Variants in NAV3 observed in about 807,000 individuals in gnomAD.
NAV3 encodes neuron navigator 3.
Under a neutral mutation model 244.7 loss-of-function variants are expected in NAV3, and 87 were observed. The ratio of observed to expected loss-of-function variants is 0.36; its 90% CI spans 0.30 to 0.42. The LOEUF (loss-of-function observed/expected upper bound fraction) is 0.42, where lower values mean the gene tolerates loss of function less well. NAV3 is among the 20% of genes least tolerant of loss of function. NAV3 has a pLI of 1.00. For synonymous variants in NAV3, 1,126 were observed against 1,042.2 expected (o/e 1.08, Z -1.55); for missense variants, 2,663 against 2,893.3 (o/e 0.92, Z 1.83).
chr12:77,892,602 A>C, intron 1 of NAV3, among the ~76,000 whole-genome samples: 1 of 152,104 alleles, frequency 6.6e-6, no homozygotes, highest in South Asian at 2.1e-4. Flanking sequence ...TTTTTAGTCA[A>C]GATGGGGTTT....
intron 2 of NAV3, among the ~76,000 whole-genome samples, chr12:77,773,360 C>T (rs1450247528): frequency 6.6e-6 from 1 of 152,042 alleles, no homozygotes; most frequent in Non-Finnish European, 1.5e-5. Context: ...TCAACAATAA[C>T]ATCTTCCATT....
chr12:78,199,158 A>T (rs1959344889), intron 36 of NAV3, 177 bp from the exon 37 acceptor site: 1 of 684,668 alleles, frequency 1.5e-6, no homozygotes, highest in Non-Finnish European at 2.6e-6. Flanking sequence ...TATAGCTCTC[A>T]TCCTAGTAGA....
intron 2 of NAV3, among the ~76,000 whole-genome samples, chr12:77,754,505 C>A (rs1033469126): frequency 6.6e-6 from 1 of 152,158 alleles, no homozygotes; most frequent in African/African-American, 2.4e-5. Context: ...TATCAATTCA[C>A]AGCATAGAAT....
chr12:77,989,561 A>C (rs527427487), intron 5 of NAV3, among the ~76,000 whole-genome samples: 145 of 152,188 alleles, frequency 9.5e-4, no homozygotes, highest in Non-Finnish European at 1.9e-3. Flanking sequence ...ATGTAGCAAC[A>C]GGCCAGTGAC....
chr12:77,777,952 CG>C (rs780219848), intron 2 of NAV3, among the ~76,000 whole-genome samples: 14 of 151,880 alleles, frequency 9.2e-5, no homozygotes, highest in Non-Finnish European at 1.8e-4. Flanking sequence ...ACTACAGGTA[CG>C]CACCACAATA....
At chr12:78,080,824 G>T (rs562326787) in intron 12 of NAV3, among the ~76,000 whole-genome samples, 2 of 152,332 alleles carry the variant, frequency 1.3e-5, no homozygotes, top group Admixed American at 1.3e-4. Flanking sequence ...AAAATGAACT[G>T]CATACTGCAG....
intron 2 of NAV3, among the ~76,000 whole-genome samples, chr12:77,631,038 C>T (rs1295141678): frequency 6.6e-6 from 1 of 152,162 alleles, no homozygotes; most frequent in Non-Finnish European, 1.5e-5. Flanking sequence ...GAATAAGTTT[C>T]TGTGTTTAAG....
intron 23 of NAV3, 27 bp downstream of exon 23, chr12:78,159,313 CT>C (rs770389502): frequency 4.4e-6 from 7 of 1,584,838 alleles, no homozygotes; most frequent in South Asian, 1.1e-5. Flanking sequence ...CCACTGGAGA[CT>C]GAAAGAAGAC....
chr12:77,929,864 G>C, intron 1 of NAV3, among the ~76,000 whole-genome samples: 1 of 146,058 alleles, frequency 6.8e-6, no homozygotes, highest in Admixed American at 7.0e-5. Flanking sequence ...GGCCAGGCTG[G>C]TCTTGAACTC....
At chr12:77,868,768 A>G (rs928420449) in intron 1 of NAV3, among the ~76,000 whole-genome samples, 1 of 150,592 alleles carries the variant, frequency 6.6e-6, no homozygotes, top group Admixed American at 6.6e-5. Flanking sequence ...AAAAAAAAAA[A>G]AAAGAAAAAA....
At chr12:77,937,423 G>A (rs1413031921) in intron 1 of NAV3, among the ~76,000 whole-genome samples, 1 of 152,142 alleles carries the variant, frequency 6.6e-6, no homozygotes, top group Non-Finnish European at 1.5e-5. Flanking sequence ...AAAGGCTAAG[G>A]AACTGTTGAC....
chr12:77,621,553 A>G (rs1261292196), intron 2 of NAV3, among the ~76,000 whole-genome samples: 1 of 134,484 alleles, frequency 7.4e-6, no homozygotes, highest in Non-Finnish European at 1.6e-5. Context: ...TGATCTCGGC[A>G]CACTGCAACC....
chr12:78,024,712 T>C (rs912702632), intron 9 of NAV3, among the ~76,000 whole-genome samples: 2 of 152,146 alleles, frequency 1.3e-5, no homozygotes, highest in Non-Finnish European at 2.9e-5. Context: ...GTGCGGTGTC[T>C]CACACCTGTA....
At chr12:78,124,042 C>G (rs1347221884) in intron 16 of NAV3, among the ~76,000 whole-genome samples, 1 of 152,134 alleles carries the variant, frequency 6.6e-6, no homozygotes, top group Non-Finnish European at 1.5e-5. Flanking sequence ...ACTTGATAAC[C>G]AAACCAAACA....
intron 2 of NAV3, among the ~76,000 whole-genome samples, chr12:77,820,430 C>G (rs1444577952): frequency 6.6e-6 from 1 of 152,090 alleles, no homozygotes; most frequent in Admixed American, 6.6e-5. Context: ...GGGGCGACCT[C>G]CCTCCATCAA....
intron 24 of NAV3, among the ~76,000 whole-genome samples, chr12:78,173,930 A>G (rs1958112969): frequency 6.6e-6 from 1 of 151,696 alleles, no homozygotes; most frequent in Non-Finnish European, 1.5e-5. Context: ...CTCATTTATT[A>G]TACGTTTTGA....
intron 16 of NAV3, among the ~76,000 whole-genome samples, chr12:78,125,566 C>T (rs578197719): frequency 6.6e-6 from 1 of 152,260 alleles, no homozygotes; most frequent in Non-Finnish European, 1.5e-5. Flanking sequence ...AATGTCAGAT[C>T]TGGCAACGCT....
chr12:77,901,528 G>A (rs1885290900), intron 1 of NAV3, among the ~76,000 whole-genome samples: 2 of 151,960 alleles, frequency 1.3e-5, no homozygotes, highest in African/African-American at 4.8e-5. Flanking sequence ...TGGCCAACAT[G>A]GTGAAACCCC....
chr12:77,727,782 C>G (rs1876944149), intron 2 of NAV3, among the ~76,000 whole-genome samples: 1 of 151,924 alleles, frequency 6.6e-6, no homozygotes. Flanking sequence ...AGTAACTTTT[C>G]CCAGTTATAC....
Sources: gnomAD v4.1 joint callset for allele counts (sites outside exome capture counted in the v4.1 genomes callset) on GRCh38, gnomAD v4.1.1 for gene constraint, MANE v1.5 for transcripts, NCBI Gene and HGNC (gene_info 2026-07-23, HGNC 2026-07-21) for gene names.